Variants in FNBP1 observed in about 807,000 individuals in gnomAD.
FNBP1 encodes formin-binding protein 1.
FNBP1 carries 26 observed loss-of-function variants against 90.6 expected under a neutral mutation model. The observed-to-expected ratio is 0.29, with a 90% CI of 0.21 to 0.40. FNBP1 has a LOEUF of 0.40. FNBP1 is among the 10% of genes least tolerant of loss of function. The pLI, the probability that FNBP1 is intolerant of heterozygous loss-of-function variation, is 1.00. For missense variants in FNBP1, 635 were observed against 768.0 expected (o/e 0.83, Z 2.05); for synonymous variants, 260 against 265.2 (o/e 0.98, Z 0.19).
At chr9:129,953,400 G>A (rs990984862) in intron 6 of FNBP1, among the ~76,000 whole-genome samples, 3 of 152,114 alleles carry the variant, frequency 2.0e-5, no homozygotes, top group Admixed American at 6.6e-5. Flanking sequence ...TGAGGCAGGA[G>A]AACTGCTTGA....
At chr9:129,929,724 G>A (rs757206493) in intron 6 of FNBP1, 29 bp from the exon 7 acceptor site, 12 of 1,611,888 alleles carry the variant, frequency 7.4e-6, no homozygotes, top group African/African-American at 4.0e-5. Flanking sequence ...ATACTCCTAC[G>A]TTTATACACC....
chr9:129,890,442 G>T lies in FNBP1; in HGVS notation c.*97C>A. 1 of 975,884 alleles carries T rather than the reference G, an allele frequency of 1.0e-6. No homozygotes were observed. Among genetic ancestry groups the T allele is most frequent in the Non-Finnish European group, 1.6e-6 (1 of 623,224 alleles). 60.5% of individuals were successfully genotyped at this position (975,884 alleles called of 1,614,324 possible). A position where few individuals can be genotyped will look rare whatever the true frequency, so the allele number is the denominator to read the frequency against. The stretch of plus-strand genomic sequence containing the variant: ...CCCGCAGGGATGGGGCTGCGGAGGG[G>T]TGGGCTGTCCACAGGGCAGGGCGCT... On this transcript the variant is annotated 3_prime_UTR_variant, in exon 17 of 17. Coordinates refer to ENST00000446176, the MANE Select transcript of FNBP1 (RefSeq NM_015033.3). This position sits in a 1 kb window ranked among gnomAD's most constrained non-coding sequence, Gnocchi z 5.8.
intron 2 of FNBP1, among the ~76,000 whole-genome samples, chr9:129,981,390 T>C (rs1350723101): frequency 6.6e-6 from 1 of 152,182 alleles, no homozygotes; most frequent in Non-Finnish European, 1.5e-5. Context: ...GAGAGCATGC[T>C]GAGCAGTAAT....
chr9:129,961,048 C>G (rs1050835966), intron 4 of FNBP1, among the ~76,000 whole-genome samples: 1 of 152,044 alleles, frequency 6.6e-6, no homozygotes, highest in Non-Finnish European at 1.5e-5. Context: ...CGTGGTGGCT[C>G]ATGCCTGTAA....
At chr9:130,030,755 C>A (rs1376870235) in intron 1 of FNBP1, among the ~76,000 whole-genome samples, 1 of 152,194 alleles carries the variant, frequency 6.6e-6, no homozygotes, top group African/African-American at 2.4e-5. Context: ...GAATATACTT[C>A]TCACTATAAG....
chr9:129,953,896 A>G (rs1185944927), intron 6 of FNBP1, among the ~76,000 whole-genome samples: 1 of 151,916 alleles, frequency 6.6e-6, no homozygotes, highest in East Asian at 1.9e-4. Context: ...CAAAGATAAA[A>G]TCTGATACTA....
At chr9:129,988,837 A>G (rs1005051291) in intron 2 of FNBP1, among the ~76,000 whole-genome samples, 1 of 152,228 alleles carries the variant, frequency 6.6e-6, no homozygotes. Context: ...GATTTGGCCC[A>G]TGCTAAGACC....
At chr9:129,897,094 A>G (rs2035905418) in intron 15 of FNBP1, among the ~76,000 whole-genome samples, 1 of 151,898 alleles carries the variant, frequency 6.6e-6, no homozygotes. Flanking sequence ...TCTTCCTCCT[A>G]ACTATATCCT....
At chr9:129,951,129 G>T (rs902866254) in intron 6 of FNBP1, among the ~76,000 whole-genome samples, 2 of 151,888 alleles carry the variant, frequency 1.3e-5, no homozygotes, top group African/African-American at 2.4e-5. Context: ...GCTAACTTTT[G>T]TATTTTTTGT....
At chr9:130,005,062 C>CAAAAAAAAAAAAAAAAAA (rs573686773) in intron 1 of FNBP1, among the ~76,000 whole-genome samples, 1 of 92,840 alleles carries the variant, frequency 1.1e-5, no homozygotes, top group African/African-American at 4.3e-5. Flanking sequence ...AAGACTGTCT[C>CAAAAAAAAAAAAAAAAAA]AAAAAAAAAA....
intron 6 of FNBP1, among the ~76,000 whole-genome samples, chr9:129,930,520 C>T (rs1168567127): frequency 6.6e-6 from 1 of 152,102 alleles, no homozygotes; most frequent in Non-Finnish European, 1.5e-5. Context: ...CTTCTTTATG[C>T]TTTTTATGTT....
chr9:129,910,504 A>AAAAAAAAAAG lies in FNBP1; in HGVS notation c.1186-1506_1186-1505insCTTTTTTTTT, dbSNP rs1298095363. Among the ~76,000 whole-genome samples, 39 of 104,086 alleles carry AAAAAAAAAAG rather than the reference A, an allele frequency of 3.7e-4. 2 individuals carry two copies. The highest frequency in any genetic ancestry group is 6.6e-4 in the East Asian group (2 of 3,038). The allele number at this position is 104,086 out of a possible 152,430, so 68.3% of individuals were successfully genotyped here. ...CTCAAAAAAACAAAAAAAAAAAAAAAAGAGAGAGAGAAATTTCTTCAAATA... is the reference window on the plus strand; with the variant it reads ...CTCAAAAAAACAAAAAAAAAAAAAAAAAAAAAAAAGAGAGAGAGAGAAATTTCTTCAAATA... On this transcript the variant is annotated intron_variant, in intron 11 of 16. Coordinates refer to ENST00000446176, the MANE Select transcript of FNBP1 (RefSeq NM_015033.3).
At chr9:130,009,302 A>C (rs552056889) in intron 1 of FNBP1, among the ~76,000 whole-genome samples, 1 of 152,298 alleles carries the variant, frequency 6.6e-6, no homozygotes, top group East Asian at 1.9e-4. Context: ...GCCATAGTTG[A>C]GCATCTGACT....
chr9:130,029,331 G>A lies in FNBP1; in HGVS notation c.24+13621C>T, dbSNP rs554431838. On this transcript the variant is annotated intron_variant, in intron 1 of 16. Coordinates refer to ENST00000446176, the MANE Select transcript of FNBP1 (RefSeq NM_015033.3). ...GTTTCACCATGTTGCTCAGGCTGGT[G>A]TCAAACTCCTGGGCTCAACCGATCC... Among the ~76,000 whole-genome samples the A allele has an allele frequency of 2.0e-5, 3 of 152,116 alleles. No homozygotes were observed. The East Asian group carries it at 5.8e-4, about 29-fold the overall frequency.
At chr9:130,052,540 C>T in the FNBP1 span, among the ~76,000 whole-genome samples, 1 of 152,022 alleles carries the variant, frequency 6.6e-6, no homozygotes, top group Non-Finnish European at 1.5e-5. Context: ...TCAAGTGCTT[C>T]TCCTGCCTCA....
intron 15 of FNBP1, among the ~76,000 whole-genome samples, chr9:129,896,324 G>A (rs2035734669): frequency 6.6e-6 from 1 of 151,958 alleles, no homozygotes; most frequent in South Asian, 2.1e-4. Flanking sequence ...GTCTCACTTG[G>A]ATCTCTCTCA....
intron 6 of FNBP1, chr9:129,936,295 T>G (rs7039157): frequency 0.89 from 135,528 of 152,186 alleles, 60,464 homozygotes; most frequent in East Asian, 0.91. Flanking sequence ...GGGGGCTCAA[T>G]CTAGATTTTA....
At chr9:129,971,800 T>C (rs1040251599) in intron 4 of FNBP1, among the ~76,000 whole-genome samples, 2 of 152,262 alleles carry the variant, frequency 1.3e-5, no homozygotes, top group African/African-American at 4.8e-5. Context: ...AGAGCCATTT[T>C]TCATCACGCT....
At chr9:129,921,664 C>A (rs576391933) in intron 10 of FNBP1, among the ~76,000 whole-genome samples, 1 of 152,200 alleles carries the variant, frequency 6.6e-6, no homozygotes, top group South Asian at 2.1e-4. Context: ...CCGCCCTCCT[C>A]GGCCTCCCAA....
Sources: gnomAD v4.1 joint callset for allele counts (sites outside exome capture counted in the v4.1 genomes callset) on GRCh38, gnomAD v4.1.1 for gene constraint, Gnocchi (gnomAD v3.1) non-coding constraint, MANE v1.5 for transcripts, NCBI Gene and HGNC (gene_info 2026-07-23, HGNC 2026-07-21) for gene names.